Variants in PLXNA4 observed in about 807,000 individuals in gnomAD.
PLXNA4 encodes the protein plexin-A4.
In PLXNA4, 44 loss-of-function variants were observed where a neutral mutation model predicts 191.8. The ratio of observed to expected loss-of-function variants is 0.23; its 90% CI spans 0.18 to 0.29. The LOEUF is 0.29. Among genes scored for constraint, PLXNA4 ranks in the 10% least tolerant of loss-of-function variants. The probability of loss-of-function intolerance (pLI) is 1.00; values close to 1 mark genes in which losing one functional copy is unlikely to be tolerated. For synonymous variants in PLXNA4, 1,082 were observed against 1,009.5 expected (o/e 1.07, Z -1.36); for missense variants, 1,800 against 2,488.8 (o/e 0.72, Z 5.89).
At chr7:132,335,013 T>C (rs566690930) in intron 3 of PLXNA4, among the ~76,000 whole-genome samples, 2 of 152,368 alleles carry the variant, frequency 1.3e-5, no homozygotes, top group South Asian at 4.1e-4. Context: ...AAATCCTGAC[T>C]GCTTTCAAAT....
intron 2 of PLXNA4, among the ~76,000 whole-genome samples, chr7:132,504,475 G>T (rs1798378068): frequency 6.6e-6 from 1 of 152,192 alleles, no homozygotes. Context: ...GGCTAGAAAA[G>T]CCTGAAGAGC....
At chr7:132,385,521 T>C (rs904826407) in intron 3 of PLXNA4, among the ~76,000 whole-genome samples, 2 of 152,232 alleles carry the variant, frequency 1.3e-5, no homozygotes, top group Non-Finnish European at 2.9e-5. Flanking sequence ...AACTTTACTT[T>C]TGTTCCCTGG....
intron 2 of PLXNA4, among the ~76,000 whole-genome samples, chr7:132,592,418 G>A (rs1190460443): frequency 1.3e-5 from 2 of 151,986 alleles, no homozygotes; most frequent in Non-Finnish European, 2.9e-5. Flanking sequence ...TCATTAAAAG[G>A]ACAAAGATAA....
At chr7:132,384,577 G>A in intron 3 of PLXNA4, 3 of 988,708 alleles carry the variant, frequency 3.0e-6, no homozygotes, top group Non-Finnish European at 2.4e-6. Context: ...TGCCAACAGA[G>A]CTTTTGCACA....
At chr7:132,552,797 A>G (rs1413594576) in intron 1 of PLXNA4, among the ~76,000 whole-genome samples, 2 of 152,190 alleles carry the variant, frequency 1.3e-5, no homozygotes, top group Admixed American at 6.5e-5. Context: ...CTTTCTGTAT[A>G]AAATCAATTA....
chr7:132,148,505 T>C (rs1009239372), intron 26 of PLXNA4, 38 bp downstream of exon 26: 3 of 1,612,662 alleles, frequency 1.9e-6, no homozygotes, highest in African/African-American at 1.3e-5. Context: ...AAGGGACTTG[T>C]AGTTGGCTAG....
At chr7:132,294,503 A>G (rs1039844773) in intron 4 of PLXNA4, among the ~76,000 whole-genome samples, 2 of 152,240 alleles carry the variant, frequency 1.3e-5, no homozygotes, top group East Asian at 1.9e-4. Context: ...AAACTTTTGA[A>G]GATTAACTGC....
chr7:132,423,188 A>G (rs949595435), intron 3 of PLXNA4, among the ~76,000 whole-genome samples: 23 of 152,254 alleles, frequency 1.5e-4, no homozygotes, highest in South Asian at 4.1e-4. Context: ...GAGGCTCTGC[A>G]TTCCCAGCAC....
At chr7:132,198,381 C>A in intron 13 of PLXNA4, 104 bp downstream of exon 13, 1 of 1,467,356 alleles carries the variant, frequency 6.8e-7, no homozygotes. Flanking sequence ...TCCTTTTTCC[C>A]CCACAACAAG....
chr7:132,506,095 GA>G lies in PLXNA4; in HGVS notation c.1188+1410del, dbSNP rs565589850. The stretch of plus-strand genomic sequence containing the variant: ...TGGATTTTCAAGACCTCCAAGAAGA[GA>G]CGACATCTCTTAGTTTCAGCTGGCC... On this transcript the variant is annotated intron_variant, in intron 2 of 31. Transcript: ENST00000321063. Among the ~76,000 whole-genome samples, 3 of 152,210 alleles carry G rather than the reference GA, an allele frequency of 2.0e-5. No homozygotes were observed. In the South Asian group the frequency reaches 6.2e-4, roughly 32 times the overall value.
chr7:132,310,324 T>C (rs569636794), intron 3 of PLXNA4, among the ~76,000 whole-genome samples: 29 of 152,336 alleles, frequency 1.9e-4, no homozygotes, highest in Non-Finnish European at 3.4e-4. Flanking sequence ...GGTTAGCCAA[T>C]GTGAAGATGA....
intron 4 of PLXNA4, among the ~76,000 whole-genome samples, chr7:132,268,644 C>T (rs982546687): frequency 4.6e-5 from 7 of 152,182 alleles, no homozygotes; most frequent in South Asian, 2.1e-4. Context: ...ATGTGAACAG[C>T]GTAGGTGCCT....
At chr7:132,370,262 G>C (rs1279592567) in intron 3 of PLXNA4, among the ~76,000 whole-genome samples, 1 of 152,116 alleles carries the variant, frequency 6.6e-6, no homozygotes, top group East Asian at 1.9e-4. Flanking sequence ...TGGATGCAGA[G>C]AGGCTGCCCA....
At chr7:132,282,264 C>A (rs942324444) in intron 4 of PLXNA4, among the ~76,000 whole-genome samples, 4 of 152,128 alleles carry the variant, frequency 2.6e-5, no homozygotes, top group African/African-American at 9.7e-5. Context: ...AACTCGTCAT[C>A]TAGCATTAGG....
At chr7:132,568,504 A>C (rs1458203870) in intron 1 of PLXNA4, among the ~76,000 whole-genome samples, 14 of 152,168 alleles carry the variant, frequency 9.2e-5, no homozygotes, top group Non-Finnish European at 1.3e-4. Flanking sequence ...TGTTCTTTGC[A>C]TGGAAACCAT....
At chr7:132,469,737 A>G (rs1020564111) in intron 3 of PLXNA4, among the ~76,000 whole-genome samples, 2 of 152,254 alleles carry the variant, frequency 1.3e-5, no homozygotes, top group African/African-American at 4.8e-5. Flanking sequence ...AAGAATAGAA[A>G]GACCACTTTT....
At chr7:132,580,800 T>G (rs1802386841), upstream of PLXNA4, among the ~76,000 whole-genome samples, 1 of 152,208 alleles carries the variant, frequency 6.6e-6, no homozygotes, top group Non-Finnish European at 1.5e-5. Flanking sequence ...GACATTTTCT[T>G]TCCCCCAAGA....
At chr7:132,637,215 AT>A (rs1161229549) in intron 2 of PLXNA4, among the ~76,000 whole-genome samples, 1 of 152,070 alleles carries the variant, frequency 6.6e-6, no homozygotes, top group East Asian at 1.9e-4. Flanking sequence ...CAGGACCACA[AT>A]TTGTATGCAC....
At chr7:132,154,050 C>T (rs573438280) in intron 25 of PLXNA4, among the ~76,000 whole-genome samples, 1 of 152,328 alleles carries the variant, frequency 6.6e-6, no homozygotes, top group Admixed American at 6.5e-5. Context: ...GGACCACCTT[C>T]ATGACCACAT....
Sources: allele counts gnomAD v4.1 joint callset (sites outside exome capture counted in the v4.1 genomes callset), GRCh38; gene constraint gnomAD v4.1.1; transcripts MANE v1.5; gene names NCBI Gene and HGNC (gene_info 2026-07-23, HGNC 2026-07-21).